GLG1: variants seen among roughly 807,000 people sequenced by gnomAD.
GLG1 encodes golgi glycoprotein 1.
A neutral mutation model predicts 160.5 loss-of-function variants in GLG1; 38 were observed. The observed-to-expected ratio is 0.24, with a 90% CI of 0.18 to 0.31. GLG1 has a LOEUF of 0.31. Ranked by LOEUF, GLG1 falls within the 10% of genes least tolerant of loss-of-function variation. GLG1 has a pLI of 1.00. For synonymous variants in GLG1, 644 were observed against 543.4 expected (o/e 1.19, Z -2.57); for missense variants, 1,373 against 1,505.2 (o/e 0.91, Z 1.45).
chr16:74,495,658 A>G (rs915618573), intron 5 of GLG1, among the ~76,000 whole-genome samples: 8 of 152,184 alleles, frequency 5.3e-5, no homozygotes, highest in African/African-American at 1.7e-4. Context: ...TGTTTTCTTC[A>G]CCTTAGCCAA....
At chr16:74,468,253 T>TTTTTG in intron 17 of GLG1, 1 of 139,522 alleles carries the variant, frequency 7.2e-6, no homozygotes, top group Non-Finnish European at 1.5e-5. Context: ...TTTTTTTTTT[T>TTTTTG]GGAGACAGAG....
intron 8 of GLG1, among the ~76,000 whole-genome samples, chr16:74,488,413 C>T (rs1430089079): frequency 1.3e-5 from 2 of 151,992 alleles, no homozygotes; most frequent in East Asian, 3.9e-4. Flanking sequence ...TAAAAATAAG[C>T]TCCCCCAAAA....
intron 4 of GLG1, among the ~76,000 whole-genome samples, chr16:74,501,709 C>A (rs1328581279): frequency 6.6e-6 from 1 of 152,090 alleles, no homozygotes; most frequent in East Asian, 1.9e-4. Flanking sequence ...TGTTTGGAAC[C>A]CTGTGGAGAC....
At position 74,468,903 on chromosome 16, in the gene GLG1, T is replaced by C. The variant is rs751582365; in HGVS notation, c.2436+43A>G. Reference sequence around the variant, plus strand: ...AGCCTCTCCCCAGCTTTCCAAGCCCTGGCCCACTGTGGTTTCTGGGAGCAG... The same window carrying C: ...AGCCTCTCCCCAGCTTTCCAAGCCCCGGCCCACTGTGGTTTCTGGGAGCAG... On this transcript the variant is annotated intron_variant, in intron 17 of 25. Transcript: ENST00000422840. 4.1e-6 allele frequency: 5 copies of C among 1,215,880 alleles called. No individual in the cohort carries two copies. The African/African-American group carries it at 7.4e-5, about 18-fold the overall frequency. 75.3% of individuals were successfully genotyped at this position (1,215,880 alleles called of 1,614,324 possible). A position where few individuals can be genotyped will look rare whatever the true frequency, so the allele number is the denominator to read the frequency against.
At chr16:74,588,297 AT>A (rs558783999) in intron 1 of GLG1, among the ~76,000 whole-genome samples, 11 of 152,354 alleles carry the variant, frequency 7.2e-5, no homozygotes, top group South Asian at 2.1e-4. Flanking sequence ...TATAAAAAAA[AT>A]AGCATGAAAA....
intron 8 of GLG1, among the ~76,000 whole-genome samples, chr16:74,489,566 T>A (rs1042361079): frequency 2.0e-5 from 3 of 152,116 alleles, no homozygotes; most frequent in African/African-American, 7.2e-5. Context: ...TGTCTCCTGA[T>A]TCATTTTTGG....
intron 3 of GLG1, among the ~76,000 whole-genome samples, chr16:74,508,170 A>G (rs1369716832): frequency 1.3e-5 from 2 of 152,148 alleles, no homozygotes; most frequent in African/African-American, 4.8e-5. Flanking sequence ...TAATTCATCA[A>G]TAGGGCCAGC....
chr16:74,513,541 T>A (rs1055060448), intron 2 of GLG1, among the ~76,000 whole-genome samples: 2 of 152,116 alleles, frequency 1.3e-5, no homozygotes, highest in African/African-American at 4.8e-5. Context: ...CCAACAGACC[T>A]GCAGCTGAGG....
chr16:74,587,864 A>G (rs952343367), intron 1 of GLG1, among the ~76,000 whole-genome samples: 1 of 152,224 alleles, frequency 6.6e-6, no homozygotes, highest in African/African-American at 2.4e-5. Context: ...CAAAAAAGAA[A>G]AAAACAGCTA....
At chr16:74,529,383 A>C (rs1369041697) in intron 2 of GLG1, among the ~76,000 whole-genome samples, 2 of 152,034 alleles carry the variant, frequency 1.3e-5, no homozygotes, top group African/African-American at 4.8e-5. Context: ...ATAAAGACTA[A>C]TTCTCGGTTG....
chr16:74,545,477 C>T (rs1252336682), intron 1 of GLG1, among the ~76,000 whole-genome samples: 3 of 152,188 alleles, frequency 2.0e-5, no homozygotes. Flanking sequence ...CACACCATGC[C>T]TGACCCACTC....
intron 23 of GLG1, among the ~76,000 whole-genome samples, chr16:74,458,508 T>C (rs535645817): frequency 6.6e-6 from 1 of 152,078 alleles, no homozygotes; most frequent in Non-Finnish European, 1.5e-5. Flanking sequence ...CCCATCTCTA[T>C]AGAAAATTAT....
chr16:74,476,629 G>C (rs2015398137), intron 12 of GLG1, among the ~76,000 whole-genome samples: 1 of 152,170 alleles, frequency 6.6e-6, no homozygotes, highest in African/African-American at 2.4e-5. Context: ...ATGGAAGACA[G>C]CTAGCTTCCC....
rs755046655 is a variant in GLG1 at position 74,491,048 on chromosome 16, C to G, written c.1402G>C (p.Val468Leu). ...AGGTTCCCCTTCTCCCCTCGAACTA[C>G]TTTCATCAGACAGTGTAGGGTCCGC... ...KGRTLHCLMK[V>L]VRGEKGNLGM... Residue 468 changes from valine (V) to leucine (L), a missense_variant, in exon 8 of 26, where the codon GTA (valine) becomes CTA (leucine). Around this residue, in one of 4 missense-constraint regions of GLG1, gnomAD observed 386 missense variants for 388.5 expected, o/e 0.99. Coordinates refer to ENST00000422840, the MANE Select transcript of GLG1 (RefSeq NM_001145667.2). The G allele has an allele frequency of 9.3e-6, 15 of 1,614,096 alleles. No individual in the cohort carries two copies. The East Asian group carries it at 3.3e-4, about 36-fold the overall frequency.
At chr16:74,479,922 G>A (rs2015536554) in intron 11 of GLG1, among the ~76,000 whole-genome samples, 1 of 152,028 alleles carries the variant, frequency 6.6e-6, no homozygotes, top group Non-Finnish European at 1.5e-5. Context: ...AGCTTCTAAT[G>A]GATCCTTAAA....
At chr16:74,559,964 A>G (rs1223659176) in intron 1 of GLG1, among the ~76,000 whole-genome samples, 3 of 152,192 alleles carry the variant, frequency 2.0e-5, no homozygotes, top group Admixed American at 6.5e-5. Flanking sequence ...CCCTATTGTT[A>G]ATAGCTTACT....
chr16:74,512,893 C>T (rs1381978595), intron 2 of GLG1, among the ~76,000 whole-genome samples: 2 of 152,096 alleles, frequency 1.3e-5, no homozygotes, highest in African/African-American at 4.8e-5. Context: ...GGTAGCAGTC[C>T]AGTCATCCTG....
At chr16:74,591,539 A>C (rs1365401082) in intron 1 of GLG1, among the ~76,000 whole-genome samples, 1 of 151,612 alleles carries the variant, frequency 6.6e-6, no homozygotes, top group Admixed American at 6.6e-5. Flanking sequence ...GAGGCAGGAG[A>C]ATGGCCTGAA....
At chr16:74,510,321 G>A (rs1303129673) in intron 2 of GLG1, among the ~76,000 whole-genome samples, 1 of 152,156 alleles carries the variant, frequency 6.6e-6, no homozygotes, top group Admixed American at 6.5e-5. Flanking sequence ...GTGAGCCACT[G>A]CACCCAGCCC....
Sources: gnomAD v4.1 joint callset for allele counts (sites outside exome capture counted in the v4.1 genomes callset) on GRCh38, gnomAD v4.1.1 for gene constraint, gnomAD v4.1.1 regional missense constraint, MANE v1.5 for transcripts, NCBI Gene and HGNC (gene_info 2026-07-23, HGNC 2026-07-21) for gene names.